Variants in HOMER1 observed in about 807,000 individuals in gnomAD.
The protein encoded by HOMER1 is homer scaffold protein 1, also known as homer protein homolog 1.
In HOMER1, 3 loss-of-function variants were observed where a neutral mutation model predicts 48.9. The observed-to-expected ratio is 0.06, with a 90% CI of 0.03 to 0.16. HOMER1 has a LOEUF of 0.16. Ranked by LOEUF, HOMER1 falls within the 10% of genes least tolerant of loss-of-function variation. The probability of loss-of-function intolerance (pLI) is 1.00; values close to 1 mark genes in which losing one functional copy is unlikely to be tolerated. For missense variants in HOMER1, 247 were observed against 411.4 expected (o/e 0.60, Z 3.46); for synonymous variants, 134 against 146.4 (o/e 0.92, Z 0.61).
intron 1 of HOMER1, among the ~76,000 whole-genome samples, chr5:79,511,134 T>C (rs573037223): frequency 5.9e-5 from 9 of 152,358 alleles, no homozygotes; most frequent in African/African-American, 2.2e-4. Flanking sequence ...CTAGACAAAA[T>C]GCAGCCATCA....
At chr5:79,487,207 A>G (rs1390470089) in intron 1 of HOMER1, among the ~76,000 whole-genome samples, 4 of 152,184 alleles carry the variant, frequency 2.6e-5, no homozygotes, top group Admixed American at 2.0e-4. Flanking sequence ...TGAACCCGGG[A>G]GGCAGAGGTT....
intron 3 of HOMER1, among the ~76,000 whole-genome samples, chr5:79,448,879 G>C (rs149994493): frequency 6.6e-6 from 1 of 151,866 alleles, no homozygotes; most frequent in East Asian, 1.9e-4. Flanking sequence ...AAGAGCTTAA[G>C]AGCTGTTTCC....
Position 79,447,111 on chromosome 5 carries a change from G to A in HOMER1, c.329C>T (p.Ala110Val), listed in dbSNP as rs762796281. Residue 110 changes from alanine (A) to valine (V), a missense_variant, in exon 4 of 9, where the codon GCT (alanine) becomes GTT (valine). By Grantham distance (64) the Ala-to-Val change is moderately conservative. Transcript: ENST00000334082. ...TTGTGATTTTTCCTTTGCTAGTCGA[G>A]CAGCTTCTTTAAATTCCTGAAACTT... The part of the protein sequence containing the change: ...AEKFQEFKEA[A>V]RLAKEKSQEK... 6.2e-7 allele frequency: 1 copy of A among 1,613,136 alleles called. No homozygotes were observed. The highest frequency in any genetic ancestry group is 1.7e-5 in the Admixed American group (1 of 60,012).
chr5:79,388,173 G>A (rs948565070), intron 8 of HOMER1, among the ~76,000 whole-genome samples: 3 of 152,184 alleles, frequency 2.0e-5, no homozygotes, highest in African/African-American at 4.8e-5. Context: ...CAGTATAAAC[G>A]AAACTTGAGG....
intron 4 of HOMER1, among the ~76,000 whole-genome samples, chr5:79,440,903 G>A (rs938890247): frequency 2.0e-5 from 3 of 152,132 alleles, no homozygotes; most frequent in African/African-American, 7.2e-5. Context: ...GGTGCCTCAC[G>A]CCTGTAATCC....
intron 1 of HOMER1, among the ~76,000 whole-genome samples, chr5:79,504,400 A>G (rs1580046713): frequency 1.5e-5 from 2 of 129,718 alleles, no homozygotes; most frequent in Non-Finnish European, 1.6e-5. Context: ...CTGTTTTACA[A>G]AAGAATAAGC....
At chr5:79,410,335 T>C (rs886308485) in intron 5 of HOMER1, among the ~76,000 whole-genome samples, 1 of 151,324 alleles carries the variant, frequency 6.6e-6, no homozygotes. Context: ...CTACTAAAAA[T>C]AGAAAATTAG....
chr5:79,434,753 G>GATCTA (rs71615538), intron 5 of HOMER1, among the ~76,000 whole-genome samples: 18 of 151,442 alleles, frequency 1.2e-4, no homozygotes, highest in African/African-American at 4.4e-4. Flanking sequence ...TTATGACAAG[G>GATCTA]ATACAGTACT....
At chr5:79,393,118 TAA>T (rs1554057050) in intron 8 of HOMER1, among the ~76,000 whole-genome samples, 1 of 152,082 alleles carries the variant, frequency 6.6e-6, no homozygotes, top group Admixed American at 6.5e-5. Context: ...TATTTCAAAA[TAA>T]AAAGTTTAAC....
chr5:79,499,154 C>T (rs1333774624), intron 1 of HOMER1, among the ~76,000 whole-genome samples: 1 of 151,988 alleles, frequency 6.6e-6, no homozygotes, highest in African/African-American at 2.4e-5. Context: ...TTTTAAGCTC[C>T]AGGAAAAATA....
rs773382974 is a variant in HOMER1, at chr5:79,447,064, T to C, written c.376A>G (p.Thr126Ala). 69 of 1,590,754 alleles carry C rather than the reference T, an allele frequency of 4.3e-5. No individual in the cohort carries two copies. The highest frequency in any genetic ancestry group is 5.5e-5 in the Non-Finnish European group (64 of 1,158,790). ...KSQEKMELTSTPSQESAGGDL... is the reference protein window; with the variant it reads ...KSQEKMELTSAPSQESAGGDL... ...AATGATATACCCACCTGTGAAGGTG[T>C]ACTGGTAAGTTCCATCTTCTCTTGT... Residue 126 changes from threonine to alanine, a missense_variant, in exon 4 of 9, where the codon ACA becomes GCA. Around this residue, in one of 4 missense-constraint regions of HOMER1, gnomAD observed 94 missense variants for 112.4 expected, o/e 0.84. Coordinates refer to ENST00000334082, the MANE Select transcript of HOMER1 (RefSeq NM_004272.5).
chr5:79,412,040 A>G (rs1333312093), intron 5 of HOMER1, among the ~76,000 whole-genome samples: 1 of 152,138 alleles, frequency 6.6e-6, no homozygotes, highest in Non-Finnish European at 1.5e-5. Flanking sequence ...AATTGCTTGA[A>G]CCTGGGAGGT....
intron 4 of HOMER1, among the ~76,000 whole-genome samples, chr5:79,444,801 C>T (rs1750832175): frequency 6.6e-6 from 1 of 152,162 alleles, no homozygotes; most frequent in Admixed American, 6.6e-5. Context: ...AACTAGAGCT[C>T]CCAATATGTA....
chr5:79,430,317 A>G (rs1380902236), intron 5 of HOMER1, among the ~76,000 whole-genome samples: 2 of 152,214 alleles, frequency 1.3e-5, no homozygotes, highest in Non-Finnish European at 2.9e-5. Flanking sequence ...GAAAGCCACA[A>G]TGAGATACCA....
At chr5:79,418,900 A>G (rs913665756) in intron 5 of HOMER1, among the ~76,000 whole-genome samples, 1 of 152,242 alleles carries the variant, frequency 6.6e-6, no homozygotes, top group Admixed American at 6.5e-5. Flanking sequence ...GATCACTGAA[A>G]AATAGGTGAC....
At chr5:79,475,756 A>G (rs1238062770) in intron 1 of HOMER1, among the ~76,000 whole-genome samples, 2 of 152,202 alleles carry the variant, frequency 1.3e-5, no homozygotes, top group Non-Finnish European at 2.9e-5. Context: ...GGATAATTGT[A>G]ATGACTGAAA....
chr5:79,461,894 A>C (rs541062077), intron 1 of HOMER1, among the ~76,000 whole-genome samples: 6 of 152,290 alleles, frequency 3.9e-5, no homozygotes, highest in African/African-American at 1.4e-4. Flanking sequence ...TCTAAAAATC[A>C]ATTTTAAAGA....
In HOMER1 at chr5:79,401,912, C is replaced by T. The variant is rs200129098; in HGVS notation, c.671G>A (p.Arg224His). The change falls in exon 6 of 9, where the codon CGT becomes CAT. Residue 224 changes from arginine (R) to histidine (H), a missense_variant. By Grantham distance (29) the Arg-to-His change is conservative. This residue lies in a region of HOMER1 where 113 missense variants were observed against 152.5 expected (regional missense o/e 0.74). Coordinates refer to ENST00000334082, the MANE Select transcript of HOMER1 (RefSeq NM_004272.5). ...QLAAYQEEAE[R>H]LHKRVTELEC... ...CCCTGAAATTACCCGCTTGTGCAGA[C>T]GTTCTGCTTCCTCTTGATAGGCAGC... The T allele has an allele frequency of 5.0e-6, 8 of 1,613,742 alleles. No individual in the cohort carries two copies. Among genetic ancestry groups the T allele is most frequent in the African/African-American group, 2.7e-5 (2 of 74,900 alleles).
At chr5:79,440,211 G>C (rs901553339) in intron 4 of HOMER1, among the ~76,000 whole-genome samples, 357 of 152,206 alleles carry the variant, frequency 2.3e-3, no homozygotes, top group African/African-American at 8.3e-3. Context: ...TTAAAAATCA[G>C]AATGTAAAAC....
Sources: gnomAD v4.1 joint callset for allele counts (sites outside exome capture counted in the v4.1 genomes callset) on GRCh38, gnomAD v4.1.1 for gene constraint, gnomAD v4.1.1 regional missense constraint, MANE v1.5 for transcripts, NCBI Gene and HGNC (gene_info 2026-07-23, HGNC 2026-07-21) for gene names.